The following ASAP1 variants were observed in gnomAD, a reference collection of about 807,000 sequenced individuals.
The protein encoded by ASAP1 is arf-GAP with SH3 domain, ANK repeat and PH domain-containing protein 1.
ASAP1 carries 43 observed loss-of-function variants against 145.2 expected under a neutral mutation model. The observed-to-expected ratio is 0.30, with a 90% CI of 0.23 to 0.38. ASAP1 has a LOEUF of 0.38. Ranked by LOEUF, ASAP1 falls within the 10% of genes least tolerant of loss-of-function variation. The pLI, the probability that ASAP1 is intolerant of heterozygous loss-of-function variation, is 1.00. For synonymous variants in ASAP1, 546 were observed against 515.5 expected, an observed-to-expected ratio of 1.06 and a Z score of -0.80; for missense variants, 1,018 against 1,355.3, an observed-to-expected ratio of 0.75 and a Z score of 3.91.
intron 2 of ASAP1, among the ~76,000 whole-genome samples, chr8:130,371,330 G>T (rs1827203597): frequency 6.6e-6 from 1 of 152,194 alleles, no homozygotes; most frequent in Admixed American, 6.5e-5. Context: ...TAATTTCAAA[G>T]TTCAAGCCCT....
At chr8:130,180,489 C>T (rs1449409755) in intron 8 of ASAP1, among the ~76,000 whole-genome samples, 1 of 152,234 alleles carries the variant, frequency 6.6e-6, no homozygotes, top group Non-Finnish European at 1.5e-5. Flanking sequence ...CACAACCACT[C>T]ACAAGCAACA....
intron 9 of ASAP1, among the ~76,000 whole-genome samples, chr8:130,175,063 T>C (rs28857237): frequency 0.1 from 15,161 of 152,268 alleles, 958 homozygotes; most frequent in Non-Finnish European, 0.14. Context: ...TGGCAATGCA[T>C]AGGTTGCAAT....
chr8:130,336,301 T>A (rs1380354063), intron 3 of ASAP1, among the ~76,000 whole-genome samples: 1 of 152,182 alleles, frequency 6.6e-6, no homozygotes, highest in Non-Finnish European at 1.5e-5. Flanking sequence ...TATATATACA[T>A]CAATCATCCT....
chr8:130,215,451 G>T (rs11776395), intron 4 of ASAP1, among the ~76,000 whole-genome samples: 1 of 151,884 alleles, frequency 6.6e-6, no homozygotes, highest in Non-Finnish European at 1.5e-5. Flanking sequence ...TTAACAATTA[G>T]CTGGGTGTAG....
chr8:130,308,414 G>GT (rs1337594445), intron 3 of ASAP1, among the ~76,000 whole-genome samples: 1 of 152,216 alleles, frequency 6.6e-6, no homozygotes, highest in East Asian at 1.9e-4. Flanking sequence ...TATTCTGTAT[G>GT]TATGTCTGTA....
At chr8:130,071,418 T>C (rs1401642799) in intron 27 of ASAP1, among the ~76,000 whole-genome samples, 1 of 152,100 alleles carries the variant, frequency 6.6e-6, no homozygotes, top group East Asian at 1.9e-4. Flanking sequence ...ATATGGCCGG[T>C]GGTAAAAATA....
chr8:130,176,258 G>C (rs1419437746), intron 9 of ASAP1, among the ~76,000 whole-genome samples: 1 of 152,164 alleles, frequency 6.6e-6, no homozygotes, highest in Non-Finnish European at 1.5e-5. Flanking sequence ...AGTAAGTACT[G>C]AGAAGAATAA....
At chr8:130,325,590 T>C (rs2670882) in intron 3 of ASAP1, among the ~76,000 whole-genome samples, 17,807 of 152,268 alleles carry the variant, frequency 0.12, 1,147 homozygotes, top group Non-Finnish European at 0.15. Context: ...CGTTTTGGGA[T>C]ATACAAAGAG....
At chr8:130,340,791 T>C in intron 3 of ASAP1, 1 of 402,532 alleles carries the variant, frequency 2.5e-6, no homozygotes, top group South Asian at 1.8e-5. Flanking sequence ...AGGATAAAAT[T>C]TACATAAAGA....
intron 3 of ASAP1, among the ~76,000 whole-genome samples, chr8:130,322,935 C>A (rs567986883): frequency 1.3e-5 from 2 of 152,292 alleles, no homozygotes; most frequent in Admixed American, 6.5e-5. Flanking sequence ...AACTTTCTAA[C>A]AAAACACCCA....
chr8:130,157,622 C>T (rs2097660628), intron 12 of ASAP1, among the ~76,000 whole-genome samples: 1 of 152,158 alleles, frequency 6.6e-6, no homozygotes, highest in Admixed American at 6.5e-5. Context: ...CGGAGTGGTT[C>T]CCTGTCCCTC....
intron 26 of ASAP1, among the ~76,000 whole-genome samples, chr8:130,077,173 C>CAA (rs2097464386): frequency 1.3e-5 from 2 of 152,298 alleles, no homozygotes; most frequent in South Asian, 4.1e-4. Context: ...TCCACTATAG[C>CAA]AAAGAGCTTG....
chr8:130,326,962 C>T (rs1180421057), intron 3 of ASAP1, among the ~76,000 whole-genome samples: 1 of 152,156 alleles, frequency 6.6e-6, no homozygotes, highest in Non-Finnish European at 1.5e-5. Flanking sequence ...CTTCCCCTCC[C>T]CAGGTCAGTC....
At chr8:130,260,763 G>A (rs775056638) in intron 3 of ASAP1, among the ~76,000 whole-genome samples, 3 of 152,224 alleles carry the variant, frequency 2.0e-5, no homozygotes, top group African/African-American at 7.2e-5. Flanking sequence ...AACCACTTGC[G>A]CTCTCCAGCC....
At chr8:130,068,346 G>A (rs549002997) in intron 27 of ASAP1, among the ~76,000 whole-genome samples, 1 of 152,260 alleles carries the variant, frequency 6.6e-6, no homozygotes, top group East Asian at 1.9e-4. Flanking sequence ...ATTACGCAGG[G>A]ACAACAGAAA....
At chr8:130,182,167 T>C (rs1353313522) in intron 7 of ASAP1, among the ~76,000 whole-genome samples, 1 of 152,348 alleles carries the variant, frequency 6.6e-6, no homozygotes, top group African/African-American at 2.4e-5. Flanking sequence ...AGAAGAAATA[T>C]GGAGGGACAG....
chr8:130,081,783 C>T (rs1160561121), intron 25 of ASAP1, among the ~76,000 whole-genome samples: 3 of 152,152 alleles, frequency 2.0e-5, no homozygotes, highest in African/African-American at 7.2e-5. Context: ...GTCCTGACCA[C>T]AAATCAATGT....
At chr8:130,079,784 C>T (rs1054621042) in intron 26 of ASAP1, 118 bp downstream of exon 26, 16 of 1,012,168 alleles carry the variant, frequency 1.6e-5, no homozygotes, top group Admixed American at 3.9e-5. Context: ...GTGGCCTGCC[C>T]CACTTGGCTG....
intron 3 of ASAP1, among the ~76,000 whole-genome samples, chr8:130,313,778 T>A (rs1197849365): frequency 1.3e-5 from 2 of 152,254 alleles, no homozygotes; most frequent in Non-Finnish European, 2.9e-5. Context: ...AAAAAACTCA[T>A]GACTTTATAC....
Sources: allele counts gnomAD v4.1 joint callset (sites outside exome capture counted in the v4.1 genomes callset), GRCh38; gene constraint gnomAD v4.1.1; transcripts MANE v1.5; gene names NCBI Gene and HGNC (gene_info 2026-07-23, HGNC 2026-07-21).